Variants in GYPB observed in about 807,000 individuals in gnomAD.
The protein encoded by GYPB is glycophorin B (MNS blood group), also known as glycophorin-B.
In GYPB, 13 loss-of-function variants were observed where a neutral mutation model predicts 15.3. That is an observed-to-expected ratio of 0.85 (90% CI 0.55 to 1.35). The LOEUF (loss-of-function observed/expected upper bound fraction) is 1.35. Ranked by LOEUF, GYPB falls within the 40% of genes most tolerant of loss-of-function variation. GYPB has a pLI of 0.00. For missense variants in GYPB, 131 were observed against 108.3 expected (o/e 1.21, Z -0.93); for synonymous variants, 38 against 36.9 (o/e 1.03, Z -0.11).
At chr4:143,996,038 C>T, downstream of GYPB, 1 of 905,724 alleles carries the variant, frequency 1.1e-6, no homozygotes, top group Non-Finnish European at 1.6e-6. Context: ...CTCATCTATC[C>T]TACTGTAATG....
chr4:143,998,828 T>G (rs1727457799), intron 3 of GYPB, among the ~76,000 whole-genome samples: 1 of 146,360 alleles, frequency 6.8e-6, no homozygotes, highest in African/African-American at 2.6e-5. Context: ...GTTAGAAAGG[T>G]AAAACATCTA....
intron 1 of GYPB, among the ~76,000 whole-genome samples, chr4:144,010,695 C>T (rs891603433): frequency 4.0e-5 from 6 of 151,244 alleles, no homozygotes; most frequent in South Asian, 2.1e-4. Context: ...AGATCAATAG[C>T]GTATGACATA....
downstream of GYPB, among the ~76,000 whole-genome samples, chr4:143,995,895 T>C (rs1323161610): frequency 6.6e-6 from 1 of 151,330 alleles, no homozygotes; most frequent in East Asian, 1.9e-4. Context: ...GACTGAATCT[T>C]GTTCTTTTCC....
chr4:144,011,020 T>A (rs1328081785), intron 1 of GYPB, among the ~76,000 whole-genome samples: 1 of 151,536 alleles, frequency 6.6e-6, no homozygotes, highest in Non-Finnish European at 1.5e-5. Flanking sequence ...ATGTCAGTTG[T>A]GAATTAATGA....
chr4:144,007,486 T>G (rs1167865345), intron 1 of GYPB, among the ~76,000 whole-genome samples: 1 of 150,992 alleles, frequency 6.6e-6, no homozygotes, highest in African/African-American at 2.5e-5. Context: ...AAGCCTGAAC[T>G]TTTTATCCTG....
At position 144,011,191 on chromosome 4, in the gene GYPB, G is replaced by A. The variant is rs537869959; in HGVS notation, c.37+8060C>T. Among the ~76,000 whole-genome samples the A allele has an allele frequency of 5.9e-5, 9 of 151,294 alleles. No individual in the cohort carries two copies. The East Asian group carries it at 1.6e-3, about 26-fold the overall frequency. On this transcript the variant is annotated intron_variant, in intron 1 of 4. Transcript: ENST00000502664. ...AGCTCAGAGTTGGAGACCAGCCTGG[G>A]CAACACGGTGAAACCCCGTGTCTAC...
At chr4:143,997,700 CAG>C in intron 3 of GYPB, 66 bp from the exon 4 acceptor site, 1 of 814,544 alleles carries the variant, frequency 1.2e-6, no homozygotes, top group African/African-American at 1.7e-5. Flanking sequence ...AAAAATAAGA[CAG>C]ATAACATCAG....
At chr4:144,010,616 C>G (rs1037848452) in intron 1 of GYPB, among the ~76,000 whole-genome samples, 10 of 151,350 alleles carry the variant, frequency 6.6e-5, no homozygotes, top group African/African-American at 2.5e-4. Context: ...TTAACTATGT[C>G]TCAATAATAC....
intron 1 of GYPB, among the ~76,000 whole-genome samples, chr4:144,016,227 G>T (rs1467329195): frequency 6.7e-6 from 1 of 149,200 alleles, no homozygotes; most frequent in African/African-American, 2.5e-5. Context: ...ACCTGCAGGG[G>T]TATGAGTCAG....
intron 1 of GYPB, among the ~76,000 whole-genome samples, chr4:144,003,908 A>C (rs1727745993): frequency 6.6e-6 from 1 of 151,436 alleles, no homozygotes; most frequent in Non-Finnish European, 1.5e-5. Flanking sequence ...CTGGATCTAC[A>C]TGCCTCCACT....
intron 1 of GYPB, among the ~76,000 whole-genome samples, chr4:144,005,400 A>G (rs1309948745): frequency 8.5e-5 from 13 of 152,076 alleles, no homozygotes; most frequent in Admixed American, 6.5e-4. Flanking sequence ...CATACAAAAA[A>G]GGACAACTAA....
intron 1 of GYPB, chr4:144,012,838 AG>A (rs1645876703): frequency 6.6e-6 from 1 of 151,674 alleles, no homozygotes; most frequent in African/African-American, 2.4e-5. Context: ...ATATAAGAGA[AG>A]AAATACAAAA....
At chr4:144,000,934 G>A (rs1727588022) in intron 2 of GYPB, among the ~76,000 whole-genome samples, 1 of 151,170 alleles carries the variant, frequency 6.6e-6, no homozygotes, top group South Asian at 2.1e-4. Context: ...CTATTTCATG[G>A]TCACATGTAT....
intron 2 of GYPB, chr4:144,000,066 A>T (rs1354089324): frequency 3.3e-5 from 6 of 182,112 alleles, no homozygotes; most frequent in African/African-American, 1.5e-4. Flanking sequence ...TTATGTCATG[A>T]AGCTCTCTTA....
At chr4:144,001,999 C>G (rs941025865) in intron 1 of GYPB, among the ~76,000 whole-genome samples, 1 of 144,056 alleles carries the variant, frequency 6.9e-6, no homozygotes, top group Admixed American at 6.9e-5. Flanking sequence ...ACCACACACG[C>G]AAACAGGAAA....
At chr4:143,998,086 T>C (rs1016949497) in intron 3 of GYPB, among the ~76,000 whole-genome samples, 5 of 151,378 alleles carry the variant, frequency 3.3e-5, no homozygotes, top group African/African-American at 1.2e-4. Context: ...GTATAAACAG[T>C]TTACAAATGA....
chr4:144,011,005 A>G (rs747920856), intron 1 of GYPB, among the ~76,000 whole-genome samples: 14 of 151,614 alleles, frequency 9.2e-5, no homozygotes, highest in African/African-American at 1.7e-4. Flanking sequence ...GAAATAAGAT[A>G]CTAAATGTCA....
chr4:144,017,861 T>C (rs1026796962), intron 1 of GYPB, among the ~76,000 whole-genome samples: 1 of 151,338 alleles, frequency 6.6e-6, no homozygotes, highest in Admixed American at 6.6e-5. Flanking sequence ...TTTCATTTGT[T>C]TTCTTCAAAC....
intron 1 of GYPB, among the ~76,000 whole-genome samples, chr4:144,015,775 A>G (rs1225182066): frequency 6.6e-6 from 1 of 151,294 alleles, no homozygotes; most frequent in Non-Finnish European, 1.5e-5. Flanking sequence ...TTTGGCAGCT[A>G]GTCCAGCTCA....
Sources: allele counts gnomAD v4.1 joint callset (sites outside exome capture counted in the v4.1 genomes callset), GRCh38; gene constraint gnomAD v4.1.1; transcripts MANE v1.5; gene names NCBI Gene and HGNC (gene_info 2026-07-23, HGNC 2026-07-21).